CACNB4: variants seen among roughly 807,000 people sequenced by gnomAD.
CACNB4 encodes the protein calcium voltage-gated channel auxiliary subunit beta 4, also known as voltage-dependent L-type calcium channel subunit beta-4.
CACNB4 carries 32 observed loss-of-function variants against 71.2 expected under a neutral mutation model. The ratio of observed to expected loss-of-function variants is 0.45; its 90% CI spans 0.34 to 0.60. CACNB4 has a LOEUF of 0.60. CACNB4 is among the 20% of genes least tolerant of loss of function. The probability of loss-of-function intolerance (pLI) is 0.01; values close to 1 mark genes in which losing one functional copy is unlikely to be tolerated. For missense variants in CACNB4, 464 were observed against 647.9 expected, an observed-to-expected ratio of 0.72 and a Z score of 3.08; for synonymous variants, 231 against 236.9, an observed-to-expected ratio of 0.97 and a Z score of 0.23.
intron 2 of CACNB4, among the ~76,000 whole-genome samples, chr2:151,998,315 C>CAAAAAAAAAAAA (rs70974815): frequency 9.9e-5 from 11 of 110,702 alleles, no homozygotes; most frequent in African/African-American, 4.4e-4. Flanking sequence ...ACTCCATCTC[C>CAAAAAAAAAAAA]AAAAAAAAAA....
intron 2 of CACNB4, among the ~76,000 whole-genome samples, chr2:152,020,260 G>C (rs1208401966): frequency 1.3e-5 from 2 of 152,166 alleles, no homozygotes; most frequent in East Asian, 3.8e-4. Flanking sequence ...ATGTCCATTT[G>C]GGTTTTGATG....
chr2:151,883,016 G>A (rs868546211), intron 3 of CACNB4: 7 of 499,726 alleles, frequency 1.4e-5, no homozygotes, highest in South Asian at 4.2e-5. Flanking sequence ...GTTGGAAGAC[G>A]ACCAATAATT....
At chr2:151,929,335 C>T (rs1386944075) in intron 2 of CACNB4, among the ~76,000 whole-genome samples, 1 of 152,034 alleles carries the variant, frequency 6.6e-6, no homozygotes, top group Non-Finnish European at 1.5e-5. Context: ...CACACACATA[C>T]GTAAAACTAA....
chr2:151,885,835 C>T (rs936049892), intron 2 of CACNB4, among the ~76,000 whole-genome samples: 1 of 152,120 alleles, frequency 6.6e-6, no homozygotes, highest in Admixed American at 6.5e-5. Flanking sequence ...CTTTCATAGA[C>T]GTATTCATTG....
intron 2 of CACNB4, among the ~76,000 whole-genome samples, chr2:152,058,312 A>G (rs1685831123): frequency 6.6e-6 from 1 of 152,242 alleles, no homozygotes. Context: ...AAAATGTGGA[A>G]ACAACTTTGG....
rs978145394 is a variant in CACNB4, at chr2:152,016,820, T to C, written c.147+81510A>G. On this transcript the variant is annotated intron_variant, in intron 2 of 13. Transcript: ENST00000539935. ...CCACTATACAAAAATATAATATTCA[T>C]AGTAATAATAGCTGCCATTCTGTGT... Among the ~76,000 whole-genome samples the C allele has an allele frequency of 1.4e-4, 21 of 152,258 alleles. 2 individuals are homozygous for C. The highest frequency in any genetic ancestry group is 1.3e-3 in the Admixed American group (20 of 15,290).
rs545266944 is a variant in CACNB4, at chr2:152,052,396, G to A, written c.147+45934C>T. Reference sequence around the variant, plus strand: ...GCTCACTGTAACCTCCACCTCCCGGGTTCAAAGCAATTCTCATGCCACAGC... The same window carrying A: ...GCTCACTGTAACCTCCACCTCCCGGATTCAAAGCAATTCTCATGCCACAGC... On this transcript the variant is annotated intron_variant, in intron 2 of 13. Transcript: ENST00000539935. Among the ~76,000 whole-genome samples, 6 of 152,204 alleles carry A rather than the reference G, an allele frequency of 3.9e-5. No individual in the cohort carries two copies. The South Asian group carries it at 6.2e-4, about 16-fold the overall frequency.
At chr2:152,003,862 CCAAA>C (rs910986393) in intron 2 of CACNB4, among the ~76,000 whole-genome samples, 1 of 151,494 alleles carries the variant, frequency 6.6e-6, no homozygotes, top group African/African-American at 2.4e-5. Flanking sequence ...TAAAAAAAAA[CCAAA>C]CAAACATGGT....
At chr2:152,058,701 G>C (rs1685850984) in intron 2 of CACNB4, among the ~76,000 whole-genome samples, 1 of 152,240 alleles carries the variant, frequency 6.6e-6, no homozygotes, top group Non-Finnish European at 1.5e-5. Context: ...CCATTTTCTG[G>C]GGAGAAATTC....
At chr2:152,007,102 CCTTA>C (rs1682773023) in intron 2 of CACNB4, among the ~76,000 whole-genome samples, 1 of 152,202 alleles carries the variant, frequency 6.6e-6, no homozygotes, top group South Asian at 2.1e-4. Context: ...GTCAATAAGG[CCTTA>C]CTGTTACCAT....
intron 2 of CACNB4, among the ~76,000 whole-genome samples, chr2:152,006,813 C>T (rs889497705): frequency 2.0e-4 from 31 of 152,168 alleles, no homozygotes; most frequent in Admixed American, 3.3e-4. Flanking sequence ...TAAGTTCCCA[C>T]CAGTTTCTGG....
At position 151,838,876 on chromosome 2, in the gene CACNB4, C is replaced by T. The variant is rs2099835469; in HGVS notation, c.*243G>A. On this transcript the variant is annotated 3_prime_UTR_variant, in exon 14 of 14. Coordinates refer to ENST00000539935, the MANE Select transcript of CACNB4 (RefSeq NM_000726.5). ...GATGTGTCTAAATCTATGAAGAAAA[C>T]AAAATGTACTGTTATCATGTAAATG... 5.6e-6 allele frequency: 2 copies of T among 356,738 alleles called. No homozygotes were observed. The highest frequency in any genetic ancestry group is 1.0e-5 in the Non-Finnish European group (2 of 197,058). The allele number at this position is 356,738 out of a possible 1,614,324, so 22.1% of individuals were successfully genotyped here.
At chr2:151,907,736 TTTTC>T (rs1252482720) in intron 2 of CACNB4, among the ~76,000 whole-genome samples, 1 of 152,160 alleles carries the variant, frequency 6.6e-6, no homozygotes, top group Non-Finnish European at 1.5e-5. Context: ...ATTCTTCCTG[TTTTC>T]TTTCTCTGAC....
chr2:152,085,767 C>T (rs1687626145), intron 2 of CACNB4, among the ~76,000 whole-genome samples: 1 of 150,666 alleles, frequency 6.6e-6, no homozygotes, highest in South Asian at 2.1e-4. Context: ...GTTGGACATA[C>T]GTTTTGCCTG....
At chr2:152,091,929 A>G (rs1687994587) in intron 2 of CACNB4, among the ~76,000 whole-genome samples, 2 of 152,234 alleles carry the variant, frequency 1.3e-5, no homozygotes, top group Admixed American at 1.3e-4. Flanking sequence ...AACTGATGCT[A>G]TGGTTCTTCA....
intron 9 of CACNB4, chr2:151,861,484 A>G (rs1254161815): frequency 4.6e-5 from 7 of 152,234 alleles, no homozygotes; most frequent in African/African-American, 1.7e-4. Flanking sequence ...ACTCTAGTTG[A>G]AAGTAATGTG....
chr2:152,088,264 C>G (rs4664078), intron 2 of CACNB4, among the ~76,000 whole-genome samples: 1 of 151,642 alleles, frequency 6.6e-6, no homozygotes, highest in African/African-American at 2.4e-5. Flanking sequence ...TTCTAAACAA[C>G]AATCAGCATT....
intron 2 of CACNB4, among the ~76,000 whole-genome samples, chr2:151,903,334 C>A (rs1472296446): frequency 6.6e-6 from 1 of 151,716 alleles, no homozygotes; most frequent in East Asian, 1.9e-4. Flanking sequence ...GCCAACACAG[C>A]AAAACCGCAT....
At chr2:151,843,775 T>C (rs1195002127) in intron 12 of CACNB4, among the ~76,000 whole-genome samples, 2 of 152,214 alleles carry the variant, frequency 1.3e-5, no homozygotes, top group South Asian at 2.1e-4. Context: ...TAATGGCAAC[T>C]GGATGATGTG....
Sources: gnomAD v4.1 joint callset for allele counts (sites outside exome capture counted in the v4.1 genomes callset) on GRCh38, gnomAD v4.1.1 for gene constraint, MANE v1.5 for transcripts, NCBI Gene and HGNC (gene_info 2026-07-23, HGNC 2026-07-21) for gene names.